CNTNAP5: variants seen among roughly 807,000 people sequenced by gnomAD.
CNTNAP5 encodes the protein contactin-associated protein-like 5.
In CNTNAP5, 72 loss-of-function variants were observed where a neutral mutation model predicts 150.2. The observed-to-expected ratio is 0.48, with a 90% CI of 0.40 to 0.58. The LOEUF is 0.58. Ranked by LOEUF, CNTNAP5 falls within the 20% of genes least tolerant of loss-of-function variation. CNTNAP5 has a pLI of 0.00. For missense variants in CNTNAP5, 1,636 were observed against 1,626.2 expected (o/e 1.01, Z -0.10); for synonymous variants, 672 against 619.8 (o/e 1.08, Z -1.25).
At chr2:124,277,593 A>ATT (rs1360569560) in intron 3 of CNTNAP5, among the ~76,000 whole-genome samples, 2 of 152,124 alleles carry the variant, frequency 1.3e-5, no homozygotes, top group African/African-American at 4.8e-5. Context: ...AAATACTACC[A>ATT]TTTTACATTA....
chr2:124,784,750 C>T (rs895200676), intron 17 of CNTNAP5, among the ~76,000 whole-genome samples: 1 of 152,176 alleles, frequency 6.6e-6, no homozygotes, highest in Non-Finnish European at 1.5e-5. Context: ...TACATGCAGG[C>T]TTTGAAGGTC....
chr2:124,110,525 G>T lies in CNTNAP5; in HGVS notation c.82+84793G>T, dbSNP rs546086552. Among the ~76,000 whole-genome samples, 20 of 152,270 alleles carry T rather than the reference G, an allele frequency of 1.3e-4. 1 individual carries two copies. The highest frequency in any genetic ancestry group is 4.6e-4 in the African/African-American group (19 of 41,566). ...ATAATAATTATTATGGCTGTCAGAT[G>T]AACAGTGTCTTCAAAGAGTTATAGG... On this transcript the variant is annotated intron_variant, in intron 1 of 23. Transcript: ENST00000682447.
intron 13 of CNTNAP5, among the ~76,000 whole-genome samples, chr2:124,684,685 C>T (rs575083626): frequency 1.3e-5 from 2 of 152,048 alleles, no homozygotes; most frequent in African/African-American, 2.4e-5. Flanking sequence ...GATGATTAAG[C>T]GAGAAAAATC....
At chr2:124,637,236 A>C (rs1291176480) in intron 12 of CNTNAP5, among the ~76,000 whole-genome samples, 1 of 152,078 alleles carries the variant, frequency 6.6e-6, no homozygotes, top group African/African-American at 2.4e-5. Flanking sequence ...AACCTCCTTT[A>C]ATCTGGAAGG....
At chr2:124,361,957 C>G (rs1036777342) in intron 3 of CNTNAP5, among the ~76,000 whole-genome samples, 4 of 152,158 alleles carry the variant, frequency 2.6e-5, no homozygotes, top group African/African-American at 4.8e-5. Context: ...TAGCAATCAG[C>G]GAGACTTCGT....
chr2:124,446,640 A>T, intron 5 of CNTNAP5, 113 bp from the exon 6 acceptor site: 1 of 969,092 alleles, frequency 1.0e-6, no homozygotes, highest in Non-Finnish European at 1.5e-6. Context: ...CTGTAGGGAG[A>T]CATCATTCTT....
chr2:124,679,413 T>C (rs1400594125), intron 13 of CNTNAP5, among the ~76,000 whole-genome samples: 1 of 151,996 alleles, frequency 6.6e-6, no homozygotes, highest in East Asian at 1.9e-4. Flanking sequence ...ACTTTGACAT[T>C]TATAAAACAA....
intron 3 of CNTNAP5, among the ~76,000 whole-genome samples, chr2:124,406,745 T>C (rs1691581630): frequency 6.6e-6 from 1 of 152,224 alleles, no homozygotes; most frequent in African/African-American, 2.4e-5. Context: ...ATATAATACA[T>C]GTTGTTGTTA....
chr2:124,179,429 G>A (rs901252060), intron 1 of CNTNAP5, among the ~76,000 whole-genome samples: 6 of 152,056 alleles, frequency 3.9e-5, no homozygotes, highest in Middle Eastern at 3.2e-3. Flanking sequence ...TAAAGTGCTG[G>A]GATTACAGGC....
At chr2:124,510,499 A>G (rs1387951784) in intron 8 of CNTNAP5, among the ~76,000 whole-genome samples, 1 of 129,134 alleles carries the variant, frequency 7.7e-6, no homozygotes, top group African/African-American at 2.9e-5. Flanking sequence ...ATATATATAT[A>G]TATATATATA....
chr2:124,077,745 T>C (rs1370169615), intron 1 of CNTNAP5, among the ~76,000 whole-genome samples: 2 of 152,232 alleles, frequency 1.3e-5, no homozygotes, highest in Admixed American at 1.3e-4. Context: ...TGGTCTCTAA[T>C]ACCAGCTTTA....
At chr2:124,331,591 T>A (rs529195672) in intron 3 of CNTNAP5, among the ~76,000 whole-genome samples, 3 of 151,920 alleles carry the variant, frequency 2.0e-5, no homozygotes, top group African/African-American at 4.8e-5. Flanking sequence ...TTTTTTTTTT[T>A]AAATAAAGGT....
chr2:124,712,259 A>T (rs1573565640), intron 13 of CNTNAP5, among the ~76,000 whole-genome samples: 1 of 152,214 alleles, frequency 6.6e-6, no homozygotes, highest in African/African-American at 2.4e-5. Context: ...ATAAGGCTAA[A>T]TCTGAGCAGG....
intron 7 of CNTNAP5, 124 bp downstream of exon 7, chr2:124,475,006 G>A (rs142544065): frequency 2.4e-5 from 17 of 715,526 alleles, no homozygotes; most frequent in South Asian, 4.5e-5. Flanking sequence ...TCCCATCAGC[G>A]TCTGACGTGA....
chr2:124,704,880 A>G (rs1477536229), intron 13 of CNTNAP5, among the ~76,000 whole-genome samples: 1 of 151,964 alleles, frequency 6.6e-6, no homozygotes, highest in Admixed American at 6.6e-5. Context: ...CCTGTATTCA[A>G]CTGCTTAGTT....
At chr2:124,471,832 T>C (rs1021728765) in intron 6 of CNTNAP5, among the ~76,000 whole-genome samples, 10 of 152,180 alleles carry the variant, frequency 6.6e-5, no homozygotes, top group Admixed American at 2.6e-4. Context: ...CATATGGTTT[T>C]TGTCTTTAGT....
At chr2:124,484,199 G>C (rs192926890) in intron 7 of CNTNAP5, among the ~76,000 whole-genome samples, 2 of 152,224 alleles carry the variant, frequency 1.3e-5, no homozygotes. Context: ...CAGGAACTTG[G>C]CTTGGATATG....
chr2:124,053,405 C>A (rs1244164401), intron 1 of CNTNAP5, among the ~76,000 whole-genome samples: 1 of 152,294 alleles, frequency 6.6e-6, no homozygotes, highest in East Asian at 1.9e-4. Context: ...CATTTGAGCA[C>A]CAGCCCAGAG....
intron 1 of CNTNAP5, among the ~76,000 whole-genome samples, chr2:124,143,805 G>A (rs1315783709): frequency 1.8e-5 from 2 of 113,596 alleles, no homozygotes; most frequent in Non-Finnish European, 3.6e-5. Context: ...AATCAGGCAG[G>A]AGAAGGAAAT....
Sources: allele counts gnomAD v4.1 joint callset (sites outside exome capture counted in the v4.1 genomes callset), GRCh38; gene constraint gnomAD v4.1.1; transcripts MANE v1.5; gene names NCBI Gene and HGNC (gene_info 2026-07-23, HGNC 2026-07-21).